The following AKAP19 variants were observed in gnomAD, a reference collection of about 807,000 sequenced individuals.
AKAP19 encodes the protein A-kinase anchoring protein 19.
At chr2:190,180,896 G>A in the AKAP19 span, 420 of 985,322 alleles carry the variant, frequency 4.3e-4, 1 homozygote, top group Middle Eastern at 6.8e-3. The surrounding 1 kb of genome is among the most constrained non-coding windows in gnomAD (Gnocchi z 6.8). Context: ...GGGCGCCGGC[G>A]AGAAGGCGGC....
the AKAP19 span, among the ~76,000 whole-genome samples, chr2:190,143,963 C>T: frequency 7.3e-6 from 1 of 136,420 alleles, no homozygotes; most frequent in Non-Finnish European, 1.5e-5. Context: ...TAGGTGGGAA[C>T]TGAACAATGA....
At chr2:189,922,919 G>A in the AKAP19 span, among the ~76,000 whole-genome samples, 1 of 152,134 alleles carries the variant, frequency 6.6e-6, no homozygotes, top group African/African-American at 2.4e-5. Context: ...GGAGGCTGAG[G>A]CGGATGGATT....
At chr2:189,973,151 C>A in the AKAP19 span, among the ~76,000 whole-genome samples, 2 of 152,104 alleles carry the variant, frequency 1.3e-5, no homozygotes, top group African/African-American at 2.4e-5. Flanking sequence ...TTTTGAGATA[C>A]ATCCCATCAA....
At chr2:189,944,131 A>G in the AKAP19 span, among the ~76,000 whole-genome samples, 1 of 152,130 alleles carries the variant, frequency 6.6e-6, no homozygotes, top group Non-Finnish European at 1.5e-5. Flanking sequence ...GCCGGGGCAG[A>G]GTGATATAGT....
chr2:190,052,400 T>C, the AKAP19 span, among the ~76,000 whole-genome samples: 4 of 152,212 alleles, frequency 2.6e-5, no homozygotes, highest in Non-Finnish European at 4.4e-5. Context: ...ACCAGTGTTT[T>C]ATGCTTGATT....
the AKAP19 span, chr2:190,060,500 T>A: frequency 7.0e-7 from 1 of 1,428,722 alleles, no homozygotes; most frequent in Non-Finnish European, 9.6e-7. Flanking sequence ...CCCTCCATAT[T>A]AATAGTTGAG....
chr2:189,975,006 A>T, the AKAP19 span, among the ~76,000 whole-genome samples: 1 of 152,166 alleles, frequency 6.6e-6, no homozygotes, highest in Non-Finnish European at 1.5e-5. Context: ...GTTGTGTGTG[A>T]ATTTGATCCT....
the AKAP19 span, among the ~76,000 whole-genome samples, chr2:190,168,177 A>G: frequency 6.6e-6 from 1 of 152,232 alleles, no homozygotes; most frequent in Non-Finnish European, 1.5e-5. Context: ...ACCCTGTGGA[A>G]GCTGCCAAGG....
At chr2:189,990,918 C>A in the AKAP19 span, among the ~76,000 whole-genome samples, 1 of 152,204 alleles carries the variant, frequency 6.6e-6, no homozygotes, top group South Asian at 2.1e-4. Flanking sequence ...GCCTTTGCAT[C>A]CTCACAGCTT....
At chr2:190,168,967 C>T in the AKAP19 span, among the ~76,000 whole-genome samples, 60 of 152,308 alleles carry the variant, frequency 3.9e-4, 2 homozygotes, top group East Asian at 8.7e-3. Context: ...TCCACATTTT[C>T]AGGTATCTTT....
the AKAP19 span, among the ~76,000 whole-genome samples, chr2:190,093,904 C>T: frequency 6.6e-6 from 1 of 152,236 alleles, no homozygotes; most frequent in Admixed American, 6.5e-5. Context: ...AAGCAGTCTA[C>T]TCACCCACTC....
the AKAP19 span, among the ~76,000 whole-genome samples, chr2:190,167,668 G>T: frequency 1.3e-5 from 2 of 152,170 alleles, no homozygotes; most frequent in Non-Finnish European, 2.9e-5. Context: ...GAAACAAAGG[G>T]GCTACCGGCC....
chr2:190,069,051 A>G, the AKAP19 span, among the ~76,000 whole-genome samples: 4 of 151,960 alleles, frequency 2.6e-5, no homozygotes, highest in African/African-American at 9.7e-5. Context: ...CTTCCCCAAC[A>G]TAGGTTCATA....
the AKAP19 span, among the ~76,000 whole-genome samples, chr2:190,188,085 G>T: frequency 6.6e-6 from 1 of 152,304 alleles, no homozygotes; most frequent in African/African-American, 2.4e-5. Flanking sequence ...AGGGGTAGGA[G>T]ACAGAGGGAG....
chr2:189,998,864 C>G, the AKAP19 span, among the ~76,000 whole-genome samples: 1 of 149,040 alleles, frequency 6.7e-6, no homozygotes, highest in Admixed American at 6.8e-5. Context: ...CCTCCACCTC[C>G]CAAGTTCAAG....
At chr2:189,977,467 A>G in the AKAP19 span, among the ~76,000 whole-genome samples, 1 of 152,238 alleles carries the variant, frequency 6.6e-6, no homozygotes, top group Non-Finnish European at 1.5e-5. Context: ...GTTTCCTAGA[A>G]TAAAGTCACC....
At chr2:190,135,215 C>G in the AKAP19 span, among the ~76,000 whole-genome samples, 1 of 152,134 alleles carries the variant, frequency 6.6e-6, no homozygotes, top group Admixed American at 6.5e-5. Context: ...CTCCTACCTA[C>G]TAGGCCAGAT....
the AKAP19 span, among the ~76,000 whole-genome samples, chr2:190,192,597 T>C: frequency 6.6e-6 from 1 of 152,076 alleles, no homozygotes; most frequent in Non-Finnish European, 1.5e-5. Context: ...TTTTGCCGAA[T>C]ATACATGTTA....
the AKAP19 span, among the ~76,000 whole-genome samples, chr2:190,086,941 T>G: frequency 6.6e-6 from 1 of 152,164 alleles, no homozygotes; most frequent in Non-Finnish European, 1.5e-5. Context: ...CAGCTTCCAT[T>G]CAAAGGAACC....
Sources: allele counts gnomAD v4.1 joint callset (sites outside exome capture counted in the v4.1 genomes callset), GRCh38; gene constraint gnomAD v4.1.1; non-coding constraint Gnocchi (gnomAD v3.1); transcripts MANE v1.5; gene names NCBI Gene and HGNC (gene_info 2026-07-23, HGNC 2026-07-21).